CCSER1: variants seen among roughly 807,000 people sequenced by gnomAD.
CCSER1 encodes coiled-coil serine rich protein 1, also known as serine-rich coiled-coil domain-containing protein 1.
CCSER1 carries 41 observed loss-of-function variants against 82.0 expected under a neutral mutation model. That is an observed-to-expected ratio of 0.50 (90% CI 0.39 to 0.65). CCSER1 has a LOEUF of 0.65. Ranked by LOEUF, CCSER1 falls within the 30% of genes least tolerant of loss-of-function variation. The pLI is 0.00. For missense variants in CCSER1, 1,119 were observed against 1,064.2 expected, an observed-to-expected ratio of 1.05 and a Z score of -0.72; for synonymous variants, 414 against 383.9, an observed-to-expected ratio of 1.08 and a Z score of -0.92.
intron 6 of CCSER1, among the ~76,000 whole-genome samples, chr4:90,695,883 T>C (rs980247774): frequency 3.9e-5 from 6 of 152,022 alleles, no homozygotes; most frequent in African/African-American, 1.4e-4. Context: ...CTTATTAATG[T>C]TAATTATTTA....
chr4:90,739,316 A>G (rs1355643620), intron 7 of CCSER1, among the ~76,000 whole-genome samples: 2 of 152,176 alleles, frequency 1.3e-5, no homozygotes, highest in African/African-American at 4.8e-5. Flanking sequence ...GCCCTATTCT[A>G]TTGTGGCTGT....
At chr4:90,867,562 GT>G (rs946236534) in intron 8 of CCSER1, among the ~76,000 whole-genome samples, 1 of 151,654 alleles carries the variant, frequency 6.6e-6, no homozygotes, top group Non-Finnish European at 1.5e-5. Flanking sequence ...TATTCTTTTA[GT>G]TATTTTTAAG....
At chr4:90,765,288 T>G (rs2149535889) in intron 7 of CCSER1, among the ~76,000 whole-genome samples, 1 of 152,276 alleles carries the variant, frequency 6.6e-6, no homozygotes, top group East Asian at 1.9e-4. Context: ...CTTAAAGGAT[T>G]CTGAATTACT....
At chr4:90,919,113 A>C (rs72665423) in intron 8 of CCSER1, among the ~76,000 whole-genome samples, 10 of 140,318 alleles carry the variant, frequency 7.1e-5, no homozygotes, top group African/African-American at 2.7e-4. Flanking sequence ...AAAAAAAAAA[A>C]GGACTTAGTA....
intron 10 of CCSER1, among the ~76,000 whole-genome samples, chr4:91,195,236 T>C (rs1289151301): frequency 3.3e-5 from 5 of 152,240 alleles, no homozygotes; most frequent in Admixed American, 2.6e-4. Context: ...TTCAAATTTT[T>C]ACAAAATGTG....
At chr4:90,492,971 A>G (rs1768308849) in intron 5 of CCSER1, among the ~76,000 whole-genome samples, 1 of 152,138 alleles carries the variant, frequency 6.6e-6, no homozygotes, top group Admixed American at 6.6e-5. Context: ...TCTCCGAGCT[A>G]AAGGAGGAAG....
chr4:90,928,331 T>C (rs1208192432), intron 9 of CCSER1, among the ~76,000 whole-genome samples: 1 of 152,106 alleles, frequency 6.6e-6, no homozygotes, highest in Middle Eastern at 3.4e-3. Context: ...TGTAATGGAG[T>C]CACATCTTAT....
At chr4:90,402,639 G>GC (rs1224747614) in intron 4 of CCSER1, among the ~76,000 whole-genome samples, 1 of 152,070 alleles carries the variant, frequency 6.6e-6, no homozygotes, top group Middle Eastern at 3.2e-3. Context: ...ATAAAACAAA[G>GC]CAACAATTAG....
chr4:90,225,505 C>T (rs1298267187), intron 1 of CCSER1, among the ~76,000 whole-genome samples: 1 of 152,134 alleles, frequency 6.6e-6, no homozygotes, highest in Non-Finnish European at 1.5e-5. Flanking sequence ...ATTTGAGTCT[C>T]ATGACAACCT....
intron 3 of CCSER1, among the ~76,000 whole-genome samples, chr4:90,338,587 A>G (rs1211136618): frequency 3.3e-5 from 5 of 152,218 alleles, no homozygotes; most frequent in Non-Finnish European, 7.3e-5. Context: ...GTGCTTAAGC[A>G]TAGTATAGTA....
At chr4:91,273,578 C>T (rs550987905) in intron 10 of CCSER1, among the ~76,000 whole-genome samples, 28 of 152,160 alleles carry the variant, frequency 1.8e-4, no homozygotes, top group African/African-American at 5.3e-4. Context: ...TCCTCTTTAC[C>T]GATTTGAATG....
chr4:90,404,778 C>T (rs114905417), intron 4 of CCSER1, among the ~76,000 whole-genome samples: 436 of 152,218 alleles, frequency 2.9e-3, no homozygotes, highest in African/African-American at 0.01. Context: ...CACTGCAGTT[C>T]GGCTCTCAGG....
intron 10 of CCSER1, among the ~76,000 whole-genome samples, chr4:91,204,913 T>C (rs1358436168): frequency 6.6e-6 from 1 of 151,724 alleles, no homozygotes; most frequent in African/African-American, 2.4e-5. Context: ...TAAACATTTT[T>C]ATGATCTTTA....
At chr4:91,182,286 A>G (rs1026532784) in intron 10 of CCSER1, among the ~76,000 whole-genome samples, 1 of 152,204 alleles carries the variant, frequency 6.6e-6, no homozygotes, top group African/African-American at 2.4e-5. Context: ...CTGGAGAAAT[A>G]CAAGCATAAT....
At chr4:91,158,120 T>G (rs894577563) in intron 10 of CCSER1, among the ~76,000 whole-genome samples, 1 of 151,998 alleles carries the variant, frequency 6.6e-6, no homozygotes, top group African/African-American at 2.4e-5. Context: ...GTGTTAGATT[T>G]CATGGCATCA....
chr4:90,231,682 G>A (rs965273742), intron 1 of CCSER1, among the ~76,000 whole-genome samples: 1 of 151,816 alleles, frequency 6.6e-6, no homozygotes, highest in Admixed American at 6.6e-5. Context: ...AAGTCAAATT[G>A]TCCCTGTTTG....
intron 6 of CCSER1, among the ~76,000 whole-genome samples, chr4:90,684,922 G>A (rs1734534879): frequency 6.6e-6 from 1 of 152,110 alleles, no homozygotes; most frequent in African/African-American, 2.4e-5. Context: ...TGATTGTGAG[G>A]CCTTTCCAGC....
At chr4:91,395,530 T>C (rs1419260806) in intron 10 of CCSER1, among the ~76,000 whole-genome samples, 3 of 152,040 alleles carry the variant, frequency 2.0e-5, no homozygotes, top group African/African-American at 7.2e-5. Context: ...TCTGATCACA[T>C]TGGTGTCAAC....
chr4:90,289,426 AT>A (rs1431931068), intron 1 of CCSER1, among the ~76,000 whole-genome samples: 4 of 151,916 alleles, frequency 2.6e-5, no homozygotes, highest in African/African-American at 9.7e-5. Flanking sequence ...GCAACATCAA[AT>A]TGTTCAAAAT....
Sources: allele counts gnomAD v4.1 joint callset (sites outside exome capture counted in the v4.1 genomes callset), GRCh38; gene constraint gnomAD v4.1.1; transcripts MANE v1.5; gene names NCBI Gene and HGNC (gene_info 2026-07-23, HGNC 2026-07-21).